SPRED2: variants seen among roughly 807,000 people sequenced by gnomAD.
SPRED2 encodes the protein sprouty-related, EVH1 domain-containing protein 2.
SPRED2 carries 47 observed loss-of-function variants against 43.0 expected under a neutral mutation model. The observed-to-expected ratio is 1.09, with a 90% CI of 0.87 to 1.40. The LOEUF (loss-of-function observed/expected upper bound fraction) is 1.40, where lower values mean the gene tolerates loss of function less well. SPRED2 is among the 40% of genes most tolerant of loss of function. SPRED2 has a pLI of 0.00. For missense variants in SPRED2, 561 were observed against 586.4 expected, an observed-to-expected ratio of 0.96 and a Z score of 0.45; for synonymous variants, 225 against 225.7, an observed-to-expected ratio of 1.00 and a Z score of 0.03.
chr2:65,400,475 T>G (rs913494344), intron 1 of SPRED2, among the ~76,000 whole-genome samples: 22 of 152,244 alleles, frequency 1.4e-4, no homozygotes, highest in African/African-American at 5.3e-4. Flanking sequence ...CCATCCCTTC[T>G]GGGACCGTTG....
rs775423235 is a variant in SPRED2, at chr2:65,431,949, C to T, written c.26+13G>A. On this transcript the variant is annotated intron_variant, in intron 1 of 5. Coordinates refer to ENST00000356388, the MANE Select transcript of SPRED2 (RefSeq NM_181784.3). ...TGAGGGGCACCCTCGTCCCACCCCGCGACCAAACTTACTCGTCTGGGTGTG... is the reference window on the plus strand; with the variant it reads ...TGAGGGGCACCCTCGTCCCACCCCGTGACCAAACTTACTCGTCTGGGTGTG... 14 of 1,613,804 alleles carry T rather than the reference C, an allele frequency of 8.7e-6. No individual in the cohort carries two copies. In the African/African-American group the frequency reaches 1.2e-4, roughly 14 times the overall value.
At chr2:65,327,872 C>CGT (rs1558652738) in intron 4 of SPRED2, among the ~76,000 whole-genome samples, 10 of 151,586 alleles carry the variant, frequency 6.6e-5, no homozygotes, top group Non-Finnish European at 1.3e-4. Flanking sequence ...TACAGGGGCC[C>CGT]GCCATCATGC....
Position 65,431,925 on chromosome 2 carries a change from G to T in SPRED2, c.26+37C>A, listed in dbSNP as rs769268326. ...CAGCCCCGGCCCCCACGCTGCCCCT[G>T]AGGGGCACCCTCGTCCCACCCCGCG... On this transcript the variant is annotated intron_variant, in intron 1 of 5. Coordinates refer to ENST00000356388, the MANE Select transcript of SPRED2 (RefSeq NM_181784.3). The T allele has an allele frequency of 2.0e-5, 32 of 1,611,690 alleles. No homozygotes were observed. In the South Asian group the frequency reaches 3.5e-4, roughly 18 times the overall value.
intron 1 of SPRED2, among the ~76,000 whole-genome samples, chr2:65,367,293 T>C (rs1399613411): frequency 6.6e-6 from 1 of 152,190 alleles, no homozygotes; most frequent in African/African-American, 2.4e-5. Flanking sequence ...GGTAAAATGA[T>C]ATGATATCTG....
At chr2:65,363,898 A>T (rs1674895215) in intron 1 of SPRED2, among the ~76,000 whole-genome samples, 1 of 152,194 alleles carries the variant, frequency 6.6e-6, no homozygotes, top group Admixed American at 6.5e-5. Flanking sequence ...AAGCCAGCAA[A>T]GATTGGGAAA....
Position 65,358,180 on chromosome 2 carries a change from A to C in SPRED2, c.27-13284T>G, listed in dbSNP as rs550563538. Reference sequence around the variant, plus strand: ...CTAACAGATATGTTCTCTCAGTGCCAGTGTTATGACACAATTATGAAGTTT... The same window carrying C: ...CTAACAGATATGTTCTCTCAGTGCCCGTGTTATGACACAATTATGAAGTTT... On this transcript the variant is annotated intron_variant, in intron 1 of 5. Coordinates refer to ENST00000356388, the MANE Select transcript of SPRED2 (RefSeq NM_181784.3). Among the ~76,000 whole-genome samples, 41 of 152,366 alleles carry C rather than the reference A, an allele frequency of 2.7e-4. No homozygotes were observed. In the South Asian group the frequency reaches 8.1e-3, roughly 30 times the overall value.
At chr2:65,388,977 G>C (rs1675569531) in intron 1 of SPRED2, among the ~76,000 whole-genome samples, 1 of 152,198 alleles carries the variant, frequency 6.6e-6, no homozygotes. Context: ...GGATTTGAAA[G>C]GTTCAACAGG....
At chr2:65,363,653 C>G (rs762996154) in intron 1 of SPRED2, among the ~76,000 whole-genome samples, 1 of 152,162 alleles carries the variant, frequency 6.6e-6, no homozygotes, top group Admixed American at 6.5e-5. Flanking sequence ...CAGGCCAAGC[C>G]TCCTGAGGCA....
chr2:65,404,060 C>A (rs188202970), intron 1 of SPRED2, among the ~76,000 whole-genome samples: 4 of 152,088 alleles, frequency 2.6e-5, no homozygotes, highest in Non-Finnish European at 5.9e-5. Flanking sequence ...CAAAAACTAG[C>A]TGGGCATGGT....
At chr2:65,323,147 C>T (rs113900166) in intron 4 of SPRED2, among the ~76,000 whole-genome samples, 16,229 of 152,158 alleles carry the variant, frequency 0.11, 1,163 homozygotes, top group Non-Finnish European at 0.15. Context: ...GCACGTGCCA[C>T]CACACCTGGC....
intron 1 of SPRED2, among the ~76,000 whole-genome samples, chr2:65,363,279 G>A (rs528049934): frequency 1.3e-5 from 2 of 150,502 alleles, no homozygotes; most frequent in South Asian, 2.1e-4. Flanking sequence ...CTGGGAATGC[G>A]CACGGTTTCC....
intron 1 of SPRED2, among the ~76,000 whole-genome samples, chr2:65,415,452 TA>T (rs57368286): frequency 0.69 from 103,325 of 150,194 alleles, 36,010 homozygotes; most frequent in African/African-American, 0.8. Flanking sequence ...AAAGTTTTGT[TA>T]AAAAAAAAAA....
rs1673911096 is a variant in SPRED2, at chr2:65,334,652, C to T, written c.326G>A (p.Arg109Gln). The change falls in exon 3 of 6, where the codon CGA becomes CAA. Residue 109 changes from arginine to glutamine, a missense_variant. By Grantham distance (43) the Arg-to-Gln change is conservative. Transcript: ENST00000356388. ...TTTCCTTACTCCCCTGTCAAAGGCT[C>T]GGGCATCAGCAGGGCTTTGGAAAGT... The part of the protein sequence containing the change: ...GLTFQSPADA[R>Q]AFDRGVRKAI... 2 of 1,614,128 alleles carry T rather than the reference C, an allele frequency of 1.2e-6. No homozygotes were observed. Among genetic ancestry groups the T allele is most frequent in the South Asian group, 1.1e-5 (1 of 91,084 alleles).
intron 1 of SPRED2, among the ~76,000 whole-genome samples, chr2:65,408,370 G>A (rs915902252): frequency 2.6e-5 from 4 of 152,210 alleles, no homozygotes; most frequent in South Asian, 2.1e-4. Flanking sequence ...ATAAGGTAGA[G>A]TCAGAATTCA....
downstream of SPRED2, chr2:65,310,703 G>A (rs1487672238): frequency 4.9e-6 from 1 of 204,558 alleles, no homozygotes; most frequent in African/African-American, 2.4e-5. Flanking sequence ...ATAACCATAG[G>A]AGGAAAGGGC....
At chr2:65,328,153 T>A (rs1673701944) in intron 4 of SPRED2, among the ~76,000 whole-genome samples, 1 of 152,178 alleles carries the variant, frequency 6.6e-6, no homozygotes, top group Non-Finnish European at 1.5e-5. Flanking sequence ...ATGCTAAAGA[T>A]AATGACACCA....
At chr2:65,427,723 C>T (rs1218698878) in intron 1 of SPRED2, among the ~76,000 whole-genome samples, 2 of 152,198 alleles carry the variant, frequency 1.3e-5, no homozygotes, top group African/African-American at 2.4e-5. Flanking sequence ...ATGGCAATGA[C>T]AGATTGTCAC....
At chr2:65,419,833 A>G (rs1435253099) in intron 1 of SPRED2, among the ~76,000 whole-genome samples, 2 of 152,204 alleles carry the variant, frequency 1.3e-5, no homozygotes, top group African/African-American at 2.4e-5. Flanking sequence ...ACTGGCTAGT[A>G]GCATCAGTTC....
rs1408128103 is a variant in SPRED2 at position 65,313,661 on chromosome 2, G to C, written c.1097C>G (p.Ser366Trp). Residue 366 changes from serine (S) to tryptophan (W), a missense_variant, in exon 6 of 6, where the codon TCG (serine) becomes TGG (tryptophan). Ser to Trp is a radical substitution (Grantham distance 177). Transcript: ENST00000356388. ...AAACTTCTCGTCGCTAGTATCGCAC[G>C]AGCAAGGGTCTGTATAGTCTCCCTC... ...DPEGDYTDPC[S>W]CDTSDEKFCL... 2 of 1,614,064 alleles carry C rather than the reference G, an allele frequency of 1.2e-6. No individual in the cohort carries two copies. The highest frequency in any genetic ancestry group is 1.7e-6 in the Non-Finnish European group (2 of 1,180,034).
Sources: gnomAD v4.1 joint callset for allele counts (sites outside exome capture counted in the v4.1 genomes callset) on GRCh38, gnomAD v4.1.1 for gene constraint, MANE v1.5 for transcripts, NCBI Gene and HGNC (gene_info 2026-07-23, HGNC 2026-07-21) for gene names.